The following BRCA1 variants were observed in gnomAD, a reference collection of about 807,000 sequenced individuals.
The protein encoded by BRCA1 is BRCA1 DNA repair associated.
In BRCA1, 140 loss-of-function variants were observed where a neutral mutation model predicts 173.7. The ratio of observed to expected loss-of-function variants is 0.81; its 90% CI spans 0.70 to 0.93. The LOEUF (loss-of-function observed/expected upper bound fraction) is 0.93. BRCA1 is among the 40% of genes least tolerant of loss of function. BRCA1 has a pLI of 0.00. For synonymous variants in BRCA1, 662 were observed against 756.0 expected (o/e 0.88, Z 2.04); for missense variants, 1,983 against 2,172.5 (o/e 0.91, Z 1.73).
intron 2 of BRCA1, among the ~76,000 whole-genome samples, chr17:43,123,210 G>A (rs867697443): frequency 6.6e-6 from 1 of 151,560 alleles, no homozygotes; most frequent in Non-Finnish European, 1.5e-5. Flanking sequence ...CCAGCCTCTC[G>A]ACAGAGATCC....
chr17:43,080,823 C>T (rs1052389618), intron 12 of BRCA1, among the ~76,000 whole-genome samples: 11 of 151,372 alleles, frequency 7.3e-5, no homozygotes, highest in Admixed American at 2.6e-4. Flanking sequence ...AGGCTCAGGT[C>T]GGGGAGGATG....
chr17:43,135,045 G>A, intron 1 of BRCA1, among the ~76,000 whole-genome samples: 1 of 152,222 alleles, frequency 6.6e-6, no homozygotes, highest in East Asian at 1.9e-4. Context: ...GTTGTGGGTG[G>A]AGGGTACTTT....
rs397509220 is a variant in BRCA1 at position 43,063,955 on chromosome 17, C to A, written c.5075-4G>T. 2 of 1,613,796 alleles carry A rather than the reference C, an allele frequency of 1.2e-6. No individual in the cohort carries two copies. The highest frequency in any genetic ancestry group is 1.7e-6 in the Non-Finnish European group (2 of 1,179,776). ...CGTTCACACACAAACTCAGCATCTGCAGAATGAAAAACACTCAAAGGATTA... is the reference window on the plus strand; with the variant it reads ...CGTTCACACACAAACTCAGCATCTGAAGAATGAAAAACACTCAAAGGATTA... On this transcript the variant is annotated splice_polypyrimidine_tract_variant and splice_region_variant and intron_variant, in intron 16 of 22. Transcript: ENST00000357654.
At chr17:43,169,051 T>C (rs2056292612) in intron 1 of BRCA1, among the ~76,000 whole-genome samples, 1 of 152,170 alleles carries the variant, frequency 6.6e-6, no homozygotes. Flanking sequence ...GCTTTCTCAA[T>C]AGCACAAATG....
At chr17:43,067,766 A>T in intron 15 of BRCA1, 71 bp from the exon 16 acceptor site, 1 of 1,158,040 alleles carries the variant, frequency 8.6e-7, no homozygotes, top group Non-Finnish European at 1.3e-6. Context: ...TAGTTATTCC[A>T]CCATGGCATA....
chr17:43,076,910 C>A (rs1045633221), intron 12 of BRCA1, among the ~76,000 whole-genome samples: 3 of 151,868 alleles, frequency 2.0e-5, no homozygotes. Context: ...ATTCCTTGGC[C>A]CTGAATGATA....
intron 19 of BRCA1, among the ~76,000 whole-genome samples, chr17:43,052,032 A>T (rs1041977818): frequency 6.6e-6 from 1 of 152,128 alleles, no homozygotes; most frequent in Non-Finnish European, 1.5e-5. Context: ...GCAGTTTTTA[A>T]TCTAGAAGTG....
intron 11 of BRCA1, among the ~76,000 whole-genome samples, chr17:43,085,031 C>G (rs996516780): frequency 6.6e-6 from 1 of 152,112 alleles, no homozygotes; most frequent in Non-Finnish European, 1.5e-5. Flanking sequence ...GGTAAGTGGC[C>G]AAATACATTA....
chr17:43,067,786 A>G (rs1597826451), intron 15 of BRCA1, 91 bp from the exon 16 acceptor site: 2 of 977,170 alleles, frequency 2.0e-6, no homozygotes, highest in Non-Finnish European at 3.2e-6. Context: ...ATGTTTACCT[A>G]TGTAGCAATC....
chr17:43,168,134 G>T, intron 1 of BRCA1: 2 of 335,060 alleles, frequency 6.0e-6, no homozygotes, highest in Non-Finnish European at 6.0e-6. Flanking sequence ...TAATCATATA[G>T]GAATCCCAAA....
intron 22 of BRCA1, among the ~76,000 whole-genome samples, 195 bp downstream of exon 22, chr17:43,047,448 T>C (rs562403569): frequency 2.6e-5 from 4 of 152,098 alleles, no homozygotes; most frequent in Admixed American, 2.0e-4. Flanking sequence ...TCCCACCCCA[T>C]GGAAACAGTT....
intron 14 of BRCA1, among the ~76,000 whole-genome samples, chr17:43,071,620 T>A (rs938898613): frequency 6.6e-6 from 1 of 152,170 alleles, no homozygotes; most frequent in Non-Finnish European, 1.5e-5. Flanking sequence ...TTAATTTGAA[T>A]ATAAATGTTG....
chr17:43,134,471 T>C (rs1413210719), intron 1 of BRCA1, among the ~76,000 whole-genome samples: 1 of 152,154 alleles, frequency 6.6e-6, no homozygotes, highest in African/African-American at 2.4e-5. Context: ...GTGGAATTAC[T>C]GAGGGACATT....
chr17:43,051,574 T>C lies in BRCA1; in HGVS notation c.5278-457A>G, dbSNP rs8176296. The stretch of plus-strand genomic sequence containing the variant: ...CAGACTTGGTACCTCAAGTACTCAC[T>C]ATGACCCCATCAACAGAGGGGTCTA... On this transcript the variant is annotated intron_variant, in intron 19 of 22. Transcript: ENST00000357654. Among the ~76,000 whole-genome samples, 47,155 of 151,942 alleles carry C rather than the reference T, an allele frequency of 0.31. 7,693 individuals are homozygous for C. The highest frequency in any genetic ancestry group is 0.49 in the South Asian group (2,370 of 4,802).
chr17:43,074,704 G>T (rs1276026541), intron 13 of BRCA1, among the ~76,000 whole-genome samples, 183 bp from the exon 14 acceptor site: 1 of 142,826 alleles, frequency 7.0e-6, no homozygotes, highest in Non-Finnish European at 1.6e-5. Flanking sequence ...ATATGTCAGG[G>T]TTGACATATA....
rs1238203770 is a variant in BRCA1, at chr17:43,094,006, T to C, written c.1525A>G (p.Thr509Ala). 1 of 1,614,044 alleles carries C rather than the reference T, an allele frequency of 6.2e-7. No homozygotes were observed. Among genetic ancestry groups the C allele is most frequent in the Non-Finnish European group, 8.5e-7 (1 of 1,179,984 alleles). ...AAATCCTCAGGATGAAGGCCTGATG[T>C]AGGTCTCCTTTTACGCTTTAATTTA... ...TNKLKRKRRP[T>A]SGLHPEDFIK... is the part of the protein sequence containing the mutation. Residue 509 changes from threonine (T) to alanine (A), a missense_variant, in exon 10 of 23, where the codon ACA becomes GCA. Thr to Ala is a moderately conservative substitution (Grantham distance 58). Coordinates refer to ENST00000357654, the MANE Select transcript of BRCA1 (RefSeq NM_007294.4).
intron 2 of BRCA1, among the ~76,000 whole-genome samples, chr17:43,123,135 G>A (rs989599296): frequency 3.9e-5 from 6 of 151,938 alleles, no homozygotes; most frequent in South Asian, 2.1e-4. Flanking sequence ...GGAGGCTGAG[G>A]TGGGAGGATT....
intron 1 of BRCA1, 119 bp from the exon 2 acceptor site, chr17:43,124,234 C>CA: frequency 1.5e-6 from 1 of 648,756 alleles, no homozygotes. Context: ...TAGAATAATA[C>CA]AAACCAAAGA....
intron 11 of BRCA1, among the ~76,000 whole-genome samples, chr17:43,090,049 G>GA (rs747918612): frequency 1.6e-4 from 20 of 125,148 alleles, no homozygotes; most frequent in Admixed American, 3.2e-4. Flanking sequence ...TTTTAAAAGG[G>GA]AAAAAAAAAA....
Sources: allele counts gnomAD v4.1 joint callset (sites outside exome capture counted in the v4.1 genomes callset), GRCh38; gene constraint gnomAD v4.1.1; transcripts MANE v1.5; gene names NCBI Gene and HGNC (gene_info 2026-07-23, HGNC 2026-07-21).